The following SYN3 variants were observed in gnomAD, a reference collection of about 807,000 sequenced individuals.
SYN3 encodes the protein synapsin III, also known as synapsin-3.
SYN3 carries 35 observed loss-of-function variants against 65.8 expected under a neutral mutation model. The ratio of observed to expected loss-of-function variants is 0.53; its 90% CI spans 0.41 to 0.70. The LOEUF is 0.70. Among genes scored for constraint, SYN3 ranks in the 30% least tolerant of loss-of-function variants. The probability of loss-of-function intolerance (pLI) is 0.00; values close to 1 mark genes in which losing one functional copy is unlikely to be tolerated. For missense variants in SYN3, 680 were observed against 749.0 expected, an observed-to-expected ratio of 0.91 and a Z score of 1.08; for synonymous variants, 270 against 292.9, an observed-to-expected ratio of 0.92 and a Z score of 0.80.
chr22:32,551,790 C>G (rs1322074919), intron 7 of SYN3, among the ~76,000 whole-genome samples: 4 of 152,088 alleles, frequency 2.6e-5, no homozygotes, highest in Non-Finnish European at 4.4e-5. Flanking sequence ...GACTTGATAT[C>G]TGAGATTTGC....
At chr22:32,965,575 T>C (rs1029477807) in intron 3 of SYN3, among the ~76,000 whole-genome samples, 2 of 149,536 alleles carry the variant, frequency 1.3e-5, no homozygotes, top group Non-Finnish European at 3.0e-5. Flanking sequence ...TGTGTGTGTG[T>C]GCATGCTTGT....
At chr22:32,976,241 T>C (rs1569370698) in intron 3 of SYN3, among the ~76,000 whole-genome samples, 1 of 152,210 alleles carries the variant, frequency 6.6e-6, no homozygotes, top group Non-Finnish European at 1.5e-5. Flanking sequence ...TATTCATATG[T>C]AAATCCATGG....
At chr22:32,975,680 C>A (rs1023099600) in intron 3 of SYN3, among the ~76,000 whole-genome samples, 9 of 152,218 alleles carry the variant, frequency 5.9e-5, no homozygotes, top group Non-Finnish European at 1.0e-4. Context: ...TTGATCACAT[C>A]AAATTTAATC....
chr22:33,050,479 CAAAAAAAAAA>C (rs58653594), intron 1 of SYN3, among the ~76,000 whole-genome samples: 66 of 108,516 alleles, frequency 6.1e-4, no homozygotes, highest in African/African-American at 2.3e-3. Context: ...GAGACTGTTT[CAAAAAAAAAA>C]AAAAAAAAAA....
chr22:32,671,932 G>A (rs1246974549), intron 6 of SYN3, among the ~76,000 whole-genome samples: 1 of 152,226 alleles, frequency 6.6e-6, no homozygotes, highest in Non-Finnish European at 1.5e-5. Context: ...TTGTTGGATT[G>A]GATGATCTCA....
chr22:32,597,233 T>C (rs974249416), intron 6 of SYN3, among the ~76,000 whole-genome samples: 1 of 91,866 alleles, frequency 1.1e-5, no homozygotes, highest in East Asian at 3.3e-4. Context: ...TTTTTTTTTT[T>C]GGGACAAGTC....
chr22:32,917,794 G>A (rs2050224844), intron 4 of SYN3, among the ~76,000 whole-genome samples: 1 of 152,270 alleles, frequency 6.6e-6, no homozygotes, highest in Non-Finnish European at 1.5e-5. Flanking sequence ...GTTGGCTGGA[G>A]GTGCACAGCA....
At chr22:32,944,896 A>G (rs2051056877) in intron 3 of SYN3, among the ~76,000 whole-genome samples, 1 of 152,232 alleles carries the variant, frequency 6.6e-6, no homozygotes, top group Non-Finnish European at 1.5e-5. Context: ...ATACACCAAT[A>G]ACAGACAAAC....
chr22:32,786,014 AG>A lies in SYN3; in HGVS notation c.711+78900del, dbSNP rs1259605842. The stretch of plus-strand genomic sequence containing the variant: ...ACTTCAAAGAAGAAGAAGAAGAAGA[AG>A]AAGAAAAAAAAAATACAGCATTCTA... On this transcript the variant is annotated intron_variant, in intron 6 of 13. Transcript: ENST00000358763. Among the ~76,000 whole-genome samples the A allele has an allele frequency of 8.1e-4, 119 of 146,514 alleles. 1 individual carries two copies. Among genetic ancestry groups the A allele is most frequent in the Middle Eastern group, 7.2e-3 (2 of 276 alleles).
At chr22:32,607,346 TG>T (rs1444330518) in intron 6 of SYN3, among the ~76,000 whole-genome samples, 1 of 152,166 alleles carries the variant, frequency 6.6e-6, no homozygotes, top group African/African-American at 2.4e-5. Flanking sequence ...TCCAAACAAC[TG>T]CATGAATTCC....
intron 6 of SYN3, chr22:32,629,892 A>G (rs1333913741): frequency 6.6e-6 from 1 of 152,172 alleles, no homozygotes; most frequent in Non-Finnish European, 1.5e-5. Context: ...AAAAATGAAA[A>G]TGAAATGAGA....
At chr22:32,919,395 C>G (rs1173798051) in intron 4 of SYN3, among the ~76,000 whole-genome samples, 1 of 152,224 alleles carries the variant, frequency 6.6e-6, no homozygotes, top group East Asian at 1.9e-4. Context: ...ATCAGCTCCA[C>G]AGGAGCTACT....
At chr22:32,993,666 C>G (rs2145730736) in intron 2 of SYN3, among the ~76,000 whole-genome samples, 1 of 152,244 alleles carries the variant, frequency 6.6e-6, no homozygotes, top group East Asian at 1.9e-4. Context: ...CTTTTTCATG[C>G]AAAGAACTGT....
rs557332985 is a variant in SYN3, at chr22:32,929,997, G to A, written c.461+1393C>T. On this transcript the variant is annotated intron_variant, in intron 4 of 13. Coordinates refer to ENST00000358763, the MANE Select transcript of SYN3 (RefSeq NM_003490.4). The stretch of plus-strand genomic sequence containing the variant: ...GTAATTATTTAGTATCAGTTTTTAC[G>A]TTGTTTTCAGGGGAAAAGCTGGTCC... Among the ~76,000 whole-genome samples, 12 of 152,170 alleles carry A rather than the reference G, an allele frequency of 7.9e-5. No homozygotes were observed. In the South Asian group the frequency reaches 1.5e-3, roughly 18 times the overall value.
chr22:33,008,820 G>A (rs2053264599), intron 1 of SYN3, among the ~76,000 whole-genome samples: 1 of 151,252 alleles, frequency 6.6e-6, no homozygotes, highest in East Asian at 1.9e-4. Flanking sequence ...AGCTACTGGG[G>A]AGGCTGAGGC....
At position 32,690,400 on chromosome 22, in the gene SYN3, A is replaced by G. The variant is rs1239689110; in HGVS notation, c.712-93664T>C. Reference sequence around the variant, plus strand: ...GATAGCAGCAGAAATGGATTAAGACACTCACAAAGCACATACTCTTTCTCC... The same window carrying G: ...GATAGCAGCAGAAATGGATTAAGACGCTCACAAAGCACATACTCTTTCTCC... On this transcript the variant is annotated intron_variant, in intron 6 of 13. Coordinates refer to ENST00000358763, the MANE Select transcript of SYN3 (RefSeq NM_003490.4). Among the ~76,000 whole-genome samples the G allele has an allele frequency of 2.6e-5, 4 of 152,230 alleles. No individual in the cohort carries two copies. In the East Asian group the frequency reaches 7.7e-4, roughly 29 times the overall value.
chr22:32,893,013 T>C (rs530945261), intron 4 of SYN3, among the ~76,000 whole-genome samples: 1 of 152,278 alleles, frequency 6.6e-6, no homozygotes, highest in Non-Finnish European at 1.5e-5. Context: ...TAGTCTGGAA[T>C]CTATTTCTGG....
chr22:33,006,173 G>C (rs2053190041), intron 2 of SYN3, among the ~76,000 whole-genome samples, 179 bp downstream of exon 2: 1 of 152,156 alleles, frequency 6.6e-6, no homozygotes, highest in Non-Finnish European at 1.5e-5. Context: ...GCACTAAGTA[G>C]GTGCTGTGGG....
At chr22:32,634,060 T>C (rs1484684378) in intron 6 of SYN3, among the ~76,000 whole-genome samples, 1 of 152,194 alleles carries the variant, frequency 6.6e-6, no homozygotes, top group Non-Finnish European at 1.5e-5. Context: ...GAGATAAAAA[T>C]GGAAGCAATA....
Sources: allele counts gnomAD v4.1 joint callset (sites outside exome capture counted in the v4.1 genomes callset), GRCh38; gene constraint gnomAD v4.1.1; transcripts MANE v1.5; gene names NCBI Gene and HGNC (gene_info 2026-07-23, HGNC 2026-07-21).